Variants in OTUD7A observed in about 807,000 individuals in gnomAD.
The protein encoded by OTUD7A is OTU deubiquitinase 7A.
A neutral mutation model predicts 65.7 loss-of-function variants in OTUD7A; 12 were observed. The observed-to-expected ratio is 0.18, with a 90% CI of 0.12 to 0.30. The LOEUF is 0.30. Among genes scored for constraint, OTUD7A ranks in the 10% least tolerant of loss-of-function variants. The pLI, the probability that OTUD7A is intolerant of heterozygous loss-of-function variation, is 1.00. For missense variants in OTUD7A, 1,148 were observed against 1,304.8 expected (o/e 0.88, Z 1.85); for synonymous variants, 641 against 586.3 (o/e 1.09, Z -1.35).
At chr15:31,550,803 C>T (rs1216392420) in intron 5 of OTUD7A, among the ~76,000 whole-genome samples, 2 of 152,112 alleles carry the variant, frequency 1.3e-5, no homozygotes, top group Non-Finnish European at 2.9e-5. Context: ...GAATTCTGTC[C>T]ATTCATTTCA....
chr15:31,731,057 G>A (rs1220051885), intron 1 of OTUD7A, among the ~76,000 whole-genome samples: 1 of 152,134 alleles, frequency 6.6e-6, no homozygotes, highest in African/African-American at 2.4e-5. Flanking sequence ...TGGGTCTCAG[G>A]GGATGTGCAG....
chr15:31,776,989 A>G (rs1426656308), intron 1 of OTUD7A, among the ~76,000 whole-genome samples: 6 of 152,220 alleles, frequency 3.9e-5, no homozygotes, highest in Admixed American at 3.9e-4. Flanking sequence ...CTAAAAAAAA[A>G]AAATGGAGCA....
chr15:31,632,828 C>T (rs928606688), intron 3 of OTUD7A, among the ~76,000 whole-genome samples: 5 of 152,206 alleles, frequency 3.3e-5, no homozygotes, highest in African/African-American at 7.2e-5. Context: ...CAATGGCAGG[C>T]GCCCCTCCCC....
At chr15:31,750,498 GA>G (rs141315470) in intron 1 of OTUD7A, among the ~76,000 whole-genome samples, 2 of 144,276 alleles carry the variant, frequency 1.4e-5, no homozygotes, top group Non-Finnish European at 3.0e-5. Context: ...TGCAGAATTA[GA>G]AAAAAAAATC....
At chr15:31,793,501 A>G (rs917773698) in intron 1 of OTUD7A, among the ~76,000 whole-genome samples, 2 of 152,098 alleles carry the variant, frequency 1.3e-5, no homozygotes, top group African/African-American at 4.8e-5. Flanking sequence ...CATTCCTTCT[A>G]CTTATTTTGT....
At chr15:31,855,398 C>T (rs1897542985) in intron 1 of OTUD7A, among the ~76,000 whole-genome samples, 2 of 152,112 alleles carry the variant, frequency 1.3e-5, no homozygotes, top group African/African-American at 4.8e-5. Context: ...TGCAAGAATT[C>T]TTCAAGTTTG....
chr15:31,663,349 C>T (rs1240336511), intron 1 of OTUD7A, among the ~76,000 whole-genome samples: 3 of 151,614 alleles, frequency 2.0e-5, no homozygotes, highest in Non-Finnish European at 4.4e-5. Flanking sequence ...CATAGGTAAA[C>T]GTGTGCCATG....
intron 1 of OTUD7A, among the ~76,000 whole-genome samples, chr15:31,800,901 C>A (rs999530332): frequency 6.6e-6 from 1 of 152,066 alleles, no homozygotes; most frequent in African/African-American, 2.4e-5. Flanking sequence ...TTCCTGCAGC[C>A]CCTGCTGTGC....
At chr15:31,821,868 G>A (rs1393214708) in intron 1 of OTUD7A, among the ~76,000 whole-genome samples, 1 of 152,180 alleles carries the variant, frequency 6.6e-6, no homozygotes, top group Admixed American at 6.5e-5. Flanking sequence ...GACTGATGAT[G>A]TTGACTATCC....
intron 2 of OTUD7A, among the ~76,000 whole-genome samples, chr15:31,655,576 G>A (rs1022386500): frequency 3.9e-5 from 6 of 152,110 alleles, no homozygotes; most frequent in Non-Finnish European, 7.4e-5. Context: ...CATCTATGAA[G>A]CAGGAAATGG....
At chr15:31,724,825 T>C (rs1893839241) in intron 1 of OTUD7A, among the ~76,000 whole-genome samples, 1 of 151,924 alleles carries the variant, frequency 6.6e-6, no homozygotes, top group East Asian at 1.9e-4. Flanking sequence ...CACGATGTTT[T>C]AGGGAAAAGA....
rs1412910181 is a variant in OTUD7A at position 31,738,354 on chromosome 15, T to C, written c.-99-81277A>G. Among the ~76,000 whole-genome samples the C allele has an allele frequency of 3.9e-5, 6 of 152,006 alleles. No individual in the cohort carries two copies. The East Asian group carries it at 1.2e-3, about 29-fold the overall frequency. Reference sequence around the variant, plus strand: ...AGTGTAAAGAGGAGAGGTGAAGAATTTGGCTGAGGATGGAGACCTGAGCAT... The same window carrying C: ...AGTGTAAAGAGGAGAGGTGAAGAATCTGGCTGAGGATGGAGACCTGAGCAT... On this transcript the variant is annotated intron_variant, in intron 1 of 12. Coordinates refer to ENST00000307050, the MANE Select transcript of OTUD7A (RefSeq NM_001382637.1).
At chr15:31,607,407 A>G (rs1453606927) in intron 3 of OTUD7A, among the ~76,000 whole-genome samples, 1 of 152,204 alleles carries the variant, frequency 6.6e-6, no homozygotes, top group Non-Finnish European at 1.5e-5. Context: ...GCTTCAAATT[A>G]CTTAAATACC....
At chr15:31,766,675 T>C (rs931087054) in intron 1 of OTUD7A, 3 of 1,603,796 alleles carry the variant, frequency 1.9e-6, no homozygotes, top group African/African-American at 2.7e-5. Context: ...CTGTTCTGAC[T>C]TGCATTTCCC....
chr15:31,725,389 C>T (rs974964899), intron 1 of OTUD7A, among the ~76,000 whole-genome samples: 17 of 152,124 alleles, frequency 1.1e-4, no homozygotes, highest in African/African-American at 3.4e-4. Context: ...GTGGTATCAG[C>T]TAACTTGTTC....
intron 1 of OTUD7A, among the ~76,000 whole-genome samples, chr15:31,794,913 A>T (rs1023453269): frequency 6.6e-6 from 1 of 152,244 alleles, no homozygotes. Flanking sequence ...TATTTAGCTT[A>T]AGTAAAATAA....
rs569720950 is a variant in OTUD7A, at chr15:31,487,966, G to A, written c.1172-400C>T. ...TCCTGTCTCGTCCCAGAGAAGGGCC[G>A]AATGTGCAAGTCAGGTGAGCAAGGG... is the stretch of plus-strand genomic sequence containing the variant. On this transcript the variant is annotated intron_variant, in intron 10 of 12. Coordinates refer to ENST00000307050, the MANE Select transcript of OTUD7A (RefSeq NM_001382637.1). The surrounding 1 kb of genome is among the most constrained non-coding windows in gnomAD (Gnocchi z 6.0). Among the ~76,000 whole-genome samples, 173 of 152,280 alleles carry A rather than the reference G, an allele frequency of 1.1e-3. 1 individual carries two copies. The highest frequency in any genetic ancestry group is 2.0e-3 in the Non-Finnish European group (134 of 68,016).
rs1368128959 is a variant in OTUD7A at position 31,484,432 on chromosome 15, G to T, written c.1664C>A (p.Ser555Tyr). 1 of 1,603,110 alleles carries T rather than the reference G, an allele frequency of 6.2e-7. No homozygotes were observed. Among genetic ancestry groups the T allele is most frequent in the East Asian group, 2.2e-5 (1 of 44,834 alleles). ...LVHGKMGRANSANGKNGDSAE... is the reference protein window; with the variant it reads ...LVHGKMGRANYANGKNGDSAE... Reference sequence around the variant, plus strand: ...CGAGTCCCCGTTCTTGCCATTGGCGGAGTTGGCGCGGCCCATCTTGCCGTG... The same window carrying T: ...CGAGTCCCCGTTCTTGCCATTGGCGTAGTTGGCGCGGCCCATCTTGCCGTG... Residue 555 changes from serine to tyrosine, a missense_variant, in exon 13 of 13, where the codon TCC becomes TAC. This residue lies in a region of OTUD7A where 842 missense variants were observed against 769.5 expected (regional missense o/e 1.09). Coordinates refer to ENST00000307050, the MANE Select transcript of OTUD7A (RefSeq NM_001382637.1). This position sits in a 1 kb window ranked among gnomAD's most constrained non-coding sequence, Gnocchi z 4.5.
At chr15:31,804,059 T>G (rs932195835) in intron 1 of OTUD7A, among the ~76,000 whole-genome samples, 1 of 152,152 alleles carries the variant, frequency 6.6e-6, no homozygotes, top group South Asian at 2.1e-4. Flanking sequence ...CAAAACATAT[T>G]TGGTCTTGCT....
Sources: gnomAD v4.1 joint callset for allele counts (sites outside exome capture counted in the v4.1 genomes callset) on GRCh38, gnomAD v4.1.1 for gene constraint, gnomAD v4.1.1 regional missense constraint, Gnocchi (gnomAD v3.1) non-coding constraint, MANE v1.5 for transcripts, NCBI Gene and HGNC (gene_info 2026-07-23, HGNC 2026-07-21) for gene names.